The following XKR6 variants were observed in gnomAD, a reference collection of about 807,000 sequenced individuals.
The protein encoded by XKR6 is XK related 6, also known as XK-related protein 6.
A neutral mutation model predicts 56.7 loss-of-function variants in XKR6; 22 were observed. The ratio of observed to expected loss-of-function variants is 0.39; its 90% CI spans 0.28 to 0.55. The LOEUF is 0.55. Ranked by LOEUF, XKR6 falls within the 20% of genes least tolerant of loss-of-function variation. The pLI is 0.66. For missense variants in XKR6, 852 were observed against 889.0 expected (o/e 0.96, Z 0.53); for synonymous variants, 524 against 387.8 (o/e 1.35, Z -4.13).
intron 1 of XKR6, among the ~76,000 whole-genome samples, chr8:11,036,123 G>A (rs541609298): frequency 6.6e-6 from 1 of 151,364 alleles, no homozygotes; most frequent in East Asian, 1.9e-4. Flanking sequence ...GTTTTTCTTA[G>A]TTTTTGTAGA....
chr8:11,141,066 C>T (rs186229730), intron 1 of XKR6, among the ~76,000 whole-genome samples: 61 of 152,206 alleles, frequency 4.0e-4, no homozygotes, highest in African/African-American at 1.3e-3. Flanking sequence ...GATTACAACA[C>T]GTAATGGTTA....
chr8:11,102,326 T>C (rs1219775955), intron 1 of XKR6, among the ~76,000 whole-genome samples: 2 of 152,178 alleles, frequency 1.3e-5, no homozygotes, highest in African/African-American at 4.8e-5. Flanking sequence ...AACTCCATGC[T>C]TTGTGTCTTT....
intron 2 of XKR6, among the ~76,000 whole-genome samples, chr8:10,904,479 G>A (rs1000760437): frequency 2.0e-5 from 3 of 152,184 alleles, no homozygotes; most frequent in African/African-American, 7.2e-5. Flanking sequence ...ATAGCCAGTT[G>A]GGGAACAAAG....
intron 1 of XKR6, among the ~76,000 whole-genome samples, chr8:11,156,176 G>C (rs956634354): frequency 6.6e-6 from 1 of 152,100 alleles, no homozygotes; most frequent in Non-Finnish European, 1.5e-5. Flanking sequence ...CTTTTACTGT[G>C]GCAAGGTCAG....
At chr8:10,954,086 C>A (rs1285063292) in intron 1 of XKR6, among the ~76,000 whole-genome samples, 6 of 152,146 alleles carry the variant, frequency 3.9e-5, no homozygotes, top group African/African-American at 1.2e-4. Context: ...TGAGTTGTTT[C>A]CACTTTTTGG....
chr8:11,167,349 TCC>T (rs1200699329), intron 1 of XKR6, among the ~76,000 whole-genome samples: 2 of 152,218 alleles, frequency 1.3e-5, no homozygotes, highest in Non-Finnish European at 2.9e-5. Flanking sequence ...GGGACCCTGG[TCC>T]CTGGTTCCAA....
In XKR6 at chr8:11,194,051, A is replaced by T. The variant is rs543168976; in HGVS notation, c.764+6525T>A. On this transcript the variant is annotated intron_variant, in intron 1 of 2. Transcript: ENST00000416569. ...ACACAAAATGAGAATTTGTTTAATA[A>T]GTCAAAACAATCCATGGCAGGACTT... Among the ~76,000 whole-genome samples the T allele has an allele frequency of 3.3e-5, 5 of 152,334 alleles. No individual in the cohort carries two copies. In the South Asian group the frequency reaches 1.0e-3, roughly 32 times the overall value.
At chr8:10,915,127 T>G (rs770906038) in intron 2 of XKR6, among the ~76,000 whole-genome samples, 2 of 152,230 alleles carry the variant, frequency 1.3e-5, no homozygotes, top group Non-Finnish European at 2.9e-5. Context: ...TGCACTCCAT[T>G]TTCTAAAAGA....
intron 1 of XKR6, among the ~76,000 whole-genome samples, chr8:11,196,969 C>T (rs1307811308): frequency 7.3e-6 from 1 of 136,722 alleles, no homozygotes; most frequent in South Asian, 2.2e-4. Context: ...ACATTCACTG[C>T]AGATTTTGTA....
At chr8:11,168,658 A>G (rs768159052) in intron 1 of XKR6, among the ~76,000 whole-genome samples, 1 of 152,224 alleles carries the variant, frequency 6.6e-6, no homozygotes, top group African/African-American at 2.4e-5. Flanking sequence ...GCAAGTCTCA[A>G]TGAATTTAAA....
chr8:11,042,864 T>C lies in XKR6; in HGVS notation c.765-118034A>G, dbSNP rs578015607. 2.2e-4 allele frequency among the ~76,000 whole-genome samples: 34 copies of C among 152,328 alleles called. No homozygotes were observed. The East Asian group carries it at 6.6e-3, about 29-fold the overall frequency. ...GGCAGAAATGGGGAAGGCAGCTCCCTGGGCCTCCCTAGCACTTAGGCCCAG... is the reference window on the plus strand; with the variant it reads ...GGCAGAAATGGGGAAGGCAGCTCCCCGGGCCTCCCTAGCACTTAGGCCCAG... On this transcript the variant is annotated intron_variant, in intron 1 of 2. Coordinates refer to ENST00000416569, the MANE Select transcript of XKR6 (RefSeq NM_173683.4).
rs931727682 is a variant in XKR6 at position 10,908,633 on chromosome 8, T to C, written c.962-9717A>G. Among the ~76,000 whole-genome samples, 3 of 152,106 alleles carry C rather than the reference T, an allele frequency of 2.0e-5. No individual in the cohort carries two copies. The South Asian group carries it at 6.2e-4, about 32-fold the overall frequency. On this transcript the variant is annotated intron_variant, in intron 2 of 2. Transcript: ENST00000416569. ...TCTCACCAAGACCTTTATGCAACGA[T>C]CAGCTTCTCAGCCAGGCCCTCCCCG...
At chr8:10,990,876 C>T (rs1012037483) in intron 1 of XKR6, among the ~76,000 whole-genome samples, 1 of 148,348 alleles carries the variant, frequency 6.7e-6, no homozygotes, top group Non-Finnish European at 1.5e-5. Flanking sequence ...CATCACCATG[C>T]CCGGCCACTG....
intron 2 of XKR6, among the ~76,000 whole-genome samples, chr8:10,900,175 C>A (rs1314361665): frequency 6.6e-6 from 1 of 152,160 alleles, no homozygotes; most frequent in Admixed American, 6.5e-5. Flanking sequence ...GAGCACAATT[C>A]CCCCCACGAC....
At chr8:10,911,790 T>G (rs896564966) in intron 2 of XKR6, among the ~76,000 whole-genome samples, 1 of 149,696 alleles carries the variant, frequency 6.7e-6, no homozygotes, top group Non-Finnish European at 1.5e-5. Flanking sequence ...TGTGTATATA[T>G]AGAGACAATG....
At chr8:11,081,571 G>A (rs1049581121) in intron 1 of XKR6, among the ~76,000 whole-genome samples, 11 of 152,250 alleles carry the variant, frequency 7.2e-5, no homozygotes, top group African/African-American at 2.6e-4. Context: ...TCCATCTCAG[G>A]AAATTCCCAC....
chr8:10,953,397 C>G (rs532256637), intron 1 of XKR6, among the ~76,000 whole-genome samples: 5 of 152,278 alleles, frequency 3.3e-5, no homozygotes, highest in African/African-American at 7.2e-5. Flanking sequence ...CCCCCTTGGC[C>G]TTCCACCATG....
chr8:11,117,092 T>C (rs1799218620), intron 1 of XKR6, among the ~76,000 whole-genome samples: 1 of 152,212 alleles, frequency 6.6e-6, no homozygotes. Context: ...GTCAAACTTC[T>C]ATAAAAACAA....
intron 1 of XKR6, among the ~76,000 whole-genome samples, chr8:11,006,769 T>G (rs1389488319): frequency 1.3e-5 from 2 of 152,230 alleles, no homozygotes; most frequent in East Asian, 3.9e-4. Flanking sequence ...CCAAGCCAGA[T>G]GGCTCTCTCT....
Sources: allele counts gnomAD v4.1 joint callset (sites outside exome capture counted in the v4.1 genomes callset), GRCh38; gene constraint gnomAD v4.1.1; transcripts MANE v1.5; gene names NCBI Gene and HGNC (gene_info 2026-07-23, HGNC 2026-07-21).